GASK1B: variants seen among roughly 807,000 people sequenced by gnomAD.
GASK1B encodes Golgi-associated kinase 1B.
A neutral mutation model predicts 42.8 loss-of-function variants in GASK1B; 34 were observed. That is an observed-to-expected ratio of 0.79 (90% CI 0.60 to 1.06). The LOEUF (loss-of-function observed/expected upper bound fraction) is 1.06. GASK1B is among the 50% of genes least tolerant of loss of function. The pLI, the probability that GASK1B is intolerant of heterozygous loss-of-function variation, is 0.00. For synonymous variants in GASK1B, 262 were observed against 259.1 expected, an observed-to-expected ratio of 1.01 and a Z score of -0.11; for missense variants, 686 against 661.0, an observed-to-expected ratio of 1.04 and a Z score of -0.42.
chr4:158,160,514 A>C (rs1731932491), intron 2 of GASK1B, among the ~76,000 whole-genome samples: 1 of 152,182 alleles, frequency 6.6e-6, no homozygotes, highest in Non-Finnish European at 1.5e-5. Flanking sequence ...AATATGCATT[A>C]ATACAGCCAT....
At chr4:158,152,927 CT>C (rs955525001) in intron 3 of GASK1B, among the ~76,000 whole-genome samples, 3 of 152,098 alleles carry the variant, frequency 2.0e-5, no homozygotes, top group African/African-American at 7.2e-5. Flanking sequence ...AACATTCCCC[CT>C]GAAAACTGGA....
At chr4:158,142,106 G>A (rs375902868) in intron 3 of GASK1B, among the ~76,000 whole-genome samples, 7 of 146,768 alleles carry the variant, frequency 4.8e-5, no homozygotes, top group South Asian at 2.2e-4. Context: ...CACCACGCCC[G>A]GCTAATTTTT....
intron 3 of GASK1B, among the ~76,000 whole-genome samples, chr4:158,147,992 G>A (rs1340447438): frequency 3.9e-5 from 6 of 152,050 alleles, no homozygotes; most frequent in Non-Finnish European, 7.4e-5. Context: ...TGGGTGGATC[G>A]CTTGAGCCCA....
chr4:158,163,488 G>A (rs964236820), intron 2 of GASK1B, among the ~76,000 whole-genome samples: 27 of 151,244 alleles, frequency 1.8e-4, no homozygotes, highest in African/African-American at 6.3e-4. Flanking sequence ...AGAATTGCTC[G>A]AACCCAGGAG....
In GASK1B at chr4:158,124,635, T is replaced by A. The variant is rs773380157; in HGVS notation, c.*2772A>T. On this transcript the variant is annotated 3_prime_UTR_variant, in exon 5 of 5. Coordinates refer to ENST00000585682, the MANE Select transcript of GASK1B (RefSeq NM_001128424.2). ...TCGTTATGTATAAGGTAAAGTATAT[T>A]TAATGGCACAGTAGAATAAACAGGC... The A allele has an allele frequency of 2.6e-5, 4 of 152,118 alleles. No homozygotes were observed. Among genetic ancestry groups the A allele is most frequent in the Admixed American group, 2.0e-4 (3 of 15,242 alleles). The allele number at this position is 152,118 out of a possible 1,614,324, so 9.4% of individuals were successfully genotyped here.
rs116322364 is a variant in GASK1B, at chr4:158,127,708, C to A, written c.1353-94G>T. ...TGCCTTTCATTAATCTGTCATAAATCACACTAACAAATGGTATCTTTGAGA... is the reference window on the plus strand; with the variant it reads ...TGCCTTTCATTAATCTGTCATAAATAACACTAACAAATGGTATCTTTGAGA... On this transcript the variant is annotated intron_variant, in intron 4 of 4. Transcript: ENST00000585682. 1,850 of 1,110,428 alleles carry A rather than the reference C, an allele frequency of 1.7e-3. 20 individuals are homozygous for A. The African/African-American group carries it at 0.025, about 15-fold the overall frequency. 68.8% of individuals were successfully genotyped at this position (1,110,428 alleles called of 1,614,324 possible). A position where few individuals can be genotyped will look rare whatever the true frequency, so the allele number is the denominator to read the frequency against.
chr4:158,168,152 T>C (rs1732300649), intron 2 of GASK1B, among the ~76,000 whole-genome samples: 1 of 152,204 alleles, frequency 6.6e-6, no homozygotes. Context: ...AGAATGTTGT[T>C]TGAGATATAA....
intron 2 of GASK1B, among the ~76,000 whole-genome samples, chr4:158,158,061 A>C (rs2110998006): frequency 6.6e-6 from 1 of 152,184 alleles, no homozygotes; most frequent in African/African-American, 2.4e-5. Flanking sequence ...TTATGGTTAG[A>C]GCTCAGACTC....
At chr4:158,164,557 A>C (rs1458566503) in intron 2 of GASK1B, among the ~76,000 whole-genome samples, 8 of 152,234 alleles carry the variant, frequency 5.3e-5, no homozygotes, top group African/African-American at 1.9e-4. Flanking sequence ...ATTCATAAAG[A>C]AATAGCCTTA....
chr4:158,163,583 A>G (rs990779722), intron 2 of GASK1B, among the ~76,000 whole-genome samples: 4 of 152,150 alleles, frequency 2.6e-5, no homozygotes, highest in Non-Finnish European at 5.9e-5. Context: ...AAAAAAAAAA[A>G]AAGAGTGTTA....
intron 3 of GASK1B, among the ~76,000 whole-genome samples, chr4:158,153,777 T>C (rs1230217117): frequency 6.6e-6 from 1 of 152,072 alleles, no homozygotes; most frequent in Non-Finnish European, 1.5e-5. Flanking sequence ...ATTCAACAAA[T>C]GGTGTTGGGA....
At chr4:158,141,629 C>T (rs1731124982) in intron 3 of GASK1B, among the ~76,000 whole-genome samples, 1 of 86,750 alleles carries the variant, frequency 1.2e-5, no homozygotes, top group Non-Finnish European at 2.1e-5. Flanking sequence ...TTTTTTGAGA[C>T]GGAATCTCGC....
Position 158,155,802 on chromosome 4 carries a change from G to T in GASK1B, c.934C>A (p.Leu312Ile), listed in dbSNP as rs779544147. 5.0e-6 allele frequency: 8 copies of T among 1,613,606 alleles called. No homozygotes were observed. In the African/African-American group the frequency reaches 6.7e-5, roughly 13 times the overall value. ...GCTGAAGATAAAGATGCATCCCAAA[G>T]AATGATGGGGCATGGGCGGCCATCT... is the stretch of plus-strand genomic sequence containing the variant. Reference protein sequence around the residue: ...IQDGRPCPIILWDASLSSASN... With the variant: ...IQDGRPCPIIIWDASLSSASN... The change falls in exon 3 of 5, where the codon CTT (leucine) becomes ATT (isoleucine). Residue 312 changes from leucine to isoleucine, a missense_variant. Physicochemically the swap from Leu to Ile is conservative, Grantham distance 5. Transcript: ENST00000585682.
intron 3 of GASK1B, among the ~76,000 whole-genome samples, chr4:158,134,050 T>C (rs986111088): frequency 6.6e-6 from 1 of 152,234 alleles, no homozygotes; most frequent in Non-Finnish European, 1.5e-5. Flanking sequence ...TGCCCTTGTC[T>C]AGCAAGGGCT....
chr4:158,171,516 G>A lies in GASK1B; in HGVS notation c.-141C>T, dbSNP rs1732539115. ...TCCAGTGGGCAGAGGTGGAAGGAAA[G>A]GGTTGGTGATGAAGCTGGGAATGTT... On this transcript the variant is annotated 5_prime_UTR_variant, in exon 2 of 5. Coordinates refer to ENST00000585682, the MANE Select transcript of GASK1B (RefSeq NM_001128424.2). 1.2e-6 allele frequency: 1 copy of A among 835,388 alleles called. No homozygotes were observed. Among genetic ancestry groups the A allele is most frequent in the Admixed American group, 3.3e-5 (1 of 30,686 alleles). The allele number at this position is 835,388 out of a possible 1,614,324, so 51.7% of individuals were successfully genotyped here.
chr4:158,158,561 TTTAA>T lies in GASK1B; in HGVS notation c.911-2740_911-2737del, dbSNP rs1731846281. On this transcript the variant is annotated intron_variant, in intron 2 of 4. Transcript: ENST00000585682. The stretch of plus-strand genomic sequence containing the variant: ...TAAATATTATACTATAAATATTTTG[TTTAA>T]TTATTTTTAAATAGTACCACTTTAA... 2.6e-5 allele frequency among the ~76,000 whole-genome samples: 4 copies of T among 152,152 alleles called. No individual in the cohort carries two copies. In the South Asian group the frequency reaches 8.3e-4, roughly 32 times the overall value.
chr4:158,171,308 A>C lies in GASK1B; in HGVS notation c.68T>G (p.Val23Gly), dbSNP rs1579058375. 1 of 1,612,758 alleles carries C rather than the reference A, an allele frequency of 6.2e-7. No individual in the cohort carries two copies. Among genetic ancestry groups the C allele is most frequent in the South Asian group, 1.1e-5 (1 of 90,916 alleles). The change falls in exon 2 of 5, where the codon GTG (valine) becomes GGG (glycine). Residue 23 changes from valine (V) to glycine (G), a missense_variant. By Grantham distance (109) the Val-to-Gly change is moderately radical (BLOSUM62 -3). Transcript: ENST00000585682. ...ACGCCGGCTGCTCCAGAGCTTACGC[A>C]CCCGCGGGACGCACAGGGAGCAGAT... The part of the protein sequence containing the change: ...WFICSLCVPR[V>G]RKLWSSRRPR...
At chr4:158,143,784 G>A (rs556735474) in intron 3 of GASK1B, among the ~76,000 whole-genome samples, 18 of 152,184 alleles carry the variant, frequency 1.2e-4, no homozygotes, top group African/African-American at 3.6e-4. Context: ...AGTTTGAGAG[G>A]ATGAAGTGAC....
chr4:158,172,746 T>C (rs1446723088), intron 1 of GASK1B, 122 bp downstream of exon 1: 1 of 152,096 alleles, frequency 6.6e-6, no homozygotes, highest in African/African-American at 2.4e-5. Flanking sequence ...GAATGTTTGC[T>C]ATCTTGGTGG....
Sources: allele counts gnomAD v4.1 joint callset (sites outside exome capture counted in the v4.1 genomes callset), GRCh38; gene constraint gnomAD v4.1.1; transcripts MANE v1.5; gene names NCBI Gene and HGNC (gene_info 2026-07-23, HGNC 2026-07-21).